Variants in SMIM19 observed in about 807,000 individuals in gnomAD.
SMIM19 encodes UPF0697 protein C8orf40.
In SMIM19, 6 loss-of-function variants were observed where a neutral mutation model predicts 13.2. The ratio of observed to expected loss-of-function variants is 0.45; its 90% CI spans 0.25 to 0.90. The LOEUF (loss-of-function observed/expected upper bound fraction) is 0.90. Ranked by LOEUF, SMIM19 falls within the 40% of genes least tolerant of loss-of-function variation. SMIM19 has a pLI of 0.19. For synonymous variants in SMIM19, 46 were observed against 43.1 expected, an observed-to-expected ratio of 1.07 and a Z score of -0.27; for missense variants, 138 against 131.0, an observed-to-expected ratio of 1.05 and a Z score of -0.26.
At chr8:42,545,922 T>C (rs1319814183) in intron 1 of SMIM19, among the ~76,000 whole-genome samples, 2 of 152,206 alleles carry the variant, frequency 1.3e-5, no homozygotes, top group African/African-American at 4.8e-5. Context: ...TTTAGTAATA[T>C]TATTTTTTAT....
At chr8:42,542,982 TAAA>T (rs57392162) in intron 1 of SMIM19, among the ~76,000 whole-genome samples, 1 of 139,782 alleles carries the variant, frequency 7.2e-6, no homozygotes. Flanking sequence ...CCTGTTTTTG[TAAA>T]AAAAAAAAAA....
At chr8:42,551,811 AT>A (rs1813684370) in intron 3 of SMIM19, among the ~76,000 whole-genome samples, 1 of 151,684 alleles carries the variant, frequency 6.6e-6, no homozygotes, top group Non-Finnish European at 1.5e-5. Flanking sequence ...GGGTGTGGTG[AT>A]GTCCACCAGT....
rs1813731214 is a variant in SMIM19, at chr8:42,553,349, T to C, written c.*741T>C. The stretch of plus-strand genomic sequence containing the variant: ...AGTTTGTTTTTATCCCCGTTTCATT[T>C]CTACCAGGTAGCTCTACTTTAGGCC... On this transcript the variant is annotated 3_prime_UTR_variant, in exon 4 of 4. Coordinates refer to ENST00000417410, the MANE Select transcript of SMIM19 (RefSeq NM_001135674.2). 1 of 152,270 alleles carries C rather than the reference T, an allele frequency of 6.6e-6. No individual in the cohort carries two copies. The highest frequency in any genetic ancestry group is 1.9e-4 in the East Asian group (1 of 5,190). The allele number at this position is 152,270 out of a possible 1,614,324, so 9.4% of individuals were successfully genotyped here.
intron 2 of SMIM19, 28 bp from the exon 3 acceptor site, chr8:42,548,628 A>G: frequency 6.2e-7 from 1 of 1,612,460 alleles, no homozygotes; most frequent in Non-Finnish European, 8.5e-7. Context: ...TAATACAAAC[A>G]TCTCTTCTGC....
At chr8:42,544,247 T>C (rs1378099405) in intron 1 of SMIM19, among the ~76,000 whole-genome samples, 3 of 151,864 alleles carry the variant, frequency 2.0e-5, no homozygotes, top group Admixed American at 1.3e-4. Context: ...CCGTCTCTAC[T>C]AAAAATACAA....
At position 42,554,691 on chromosome 8, in the gene SMIM19, T is replaced by G. The variant is rs1339485101; in HGVS notation, c.*2083T>G. ...GCTGAATTGGGGAGAGCGCAAGCCC[T>G]GCAGCCACACTTCAAAGCGGCGCTG... On this transcript the variant is annotated 3_prime_UTR_variant, in exon 4 of 4. Coordinates refer to ENST00000417410, the MANE Select transcript of SMIM19 (RefSeq NM_001135674.2). 6.6e-6 allele frequency: 1 copy of G among 152,226 alleles called. No individual in the cohort carries two copies. The highest frequency in any genetic ancestry group is 1.5e-5 in the Non-Finnish European group (1 of 68,042). The allele number at this position is 152,226 out of a possible 1,614,324, so 9.4% of individuals were successfully genotyped here. A position where few individuals can be genotyped will look rare whatever the true frequency, so the allele number is the denominator to read the frequency against.
rs1218954195 is a variant in SMIM19 at position 42,554,657 on chromosome 8, G to C, written c.*2049G>C. The C allele has an allele frequency of 6.6e-6, 1 of 152,178 alleles. No homozygotes were observed. 9.4% of individuals were successfully genotyped at this position (152,178 alleles called of 1,614,324 possible). The stretch of plus-strand genomic sequence containing the variant: ...AAGCCGGCTTTGAAGTCTCTTCCCT[G>C]CTTCAACAGCTGAATTGGGGAGAGC... On this transcript the variant is annotated 3_prime_UTR_variant, in exon 4 of 4. Transcript: ENST00000417410.
At position 42,552,706 on chromosome 8, in the gene SMIM19, T is replaced by C; in HGVS notation, c.*98T>C. 1 of 1,370,554 alleles carries C rather than the reference T, an allele frequency of 7.3e-7. No homozygotes were observed. Among genetic ancestry groups the C allele is most frequent in the Non-Finnish European group, 1.0e-6 (1 of 979,128 alleles). 84.9% of individuals were successfully genotyped at this position (1,370,554 alleles called of 1,614,324 possible). A position where few individuals can be genotyped will look rare whatever the true frequency, so the allele number is the denominator to read the frequency against. ...TAAAAACATTTCTGTCTGCATAAAA[T>C]TATTTTACTTGTAACTTTTCCCCAA... is the stretch of plus-strand genomic sequence containing the variant. On this transcript the variant is annotated 3_prime_UTR_variant, in exon 4 of 4. Coordinates refer to ENST00000417410, the MANE Select transcript of SMIM19 (RefSeq NM_001135674.2).
Position 42,553,363 on chromosome 8 carries a change from CTACTT to C in SMIM19, c.*758_*762del, listed in dbSNP as rs1299101179. ...CCCGTTTCATTTCTACCAGGTAGCT[CTACTT>C]TAGGCCATACTGGGGACCTGCTGTT... On this transcript the variant is annotated 3_prime_UTR_variant, in exon 4 of 4. Transcript: ENST00000417410. The C allele has an allele frequency of 6.6e-6, 1 of 152,324 alleles. No homozygotes were observed. Among genetic ancestry groups the C allele is most frequent in the Admixed American group, 6.5e-5 (1 of 15,298 alleles). The allele number at this position is 152,324 out of a possible 1,614,324, so 9.4% of individuals were successfully genotyped here.
At position 42,553,322 on chromosome 8, in the gene SMIM19, C is replaced by A. The variant is rs1395346116; in HGVS notation, c.*714C>A. On this transcript the variant is annotated 3_prime_UTR_variant, in exon 4 of 4. Coordinates refer to ENST00000417410, the MANE Select transcript of SMIM19 (RefSeq NM_001135674.2). ...TTTTTCCTCATTATGCTCCCAGGAGCGAGTTTGTTTTTATCCCCGTTTCAT... is the reference window on the plus strand; with the variant it reads ...TTTTTCCTCATTATGCTCCCAGGAGAGAGTTTGTTTTTATCCCCGTTTCAT... The A allele has an allele frequency of 6.6e-6, 1 of 152,160 alleles. No homozygotes were observed. Among genetic ancestry groups the A allele is most frequent in the Non-Finnish European group, 1.5e-5 (1 of 68,056 alleles). The allele number at this position is 152,160 out of a possible 1,614,324, so 9.4% of individuals were successfully genotyped here.
chr8:42,550,615 A>G (rs1346804576), intron 3 of SMIM19, among the ~76,000 whole-genome samples: 1 of 152,198 alleles, frequency 6.6e-6, no homozygotes, highest in East Asian at 1.9e-4. Context: ...TTAGGCAGGA[A>G]AAAAGCTCTG....
rs1217495893 is a variant in SMIM19 at position 42,553,776 on chromosome 8, G to GT, written c.*1171dup. ...AGGTGGGAGGATCACGAGGTCAGGA[G>GT]TTTGAGACCAGCCTGGCCAACGTGG... On this transcript the variant is annotated 3_prime_UTR_variant, in exon 4 of 4. Coordinates refer to ENST00000417410, the MANE Select transcript of SMIM19 (RefSeq NM_001135674.2). 6.6e-6 allele frequency: 1 copy of GT among 152,192 alleles called. No homozygotes were observed. Among genetic ancestry groups the GT allele is most frequent in the Non-Finnish European group, 1.5e-5 (1 of 68,050 alleles). 9.4% of individuals were successfully genotyped at this position (152,192 alleles called of 1,614,324 possible).
At position 42,541,787 on chromosome 8, in the gene SMIM19, C is replaced by T. The variant is rs1305320094; in HGVS notation, c.-591C>T. 3 of 149,482 alleles carry T rather than the reference C, an allele frequency of 2.0e-5. No homozygotes were observed. The highest frequency in any genetic ancestry group is 4.5e-5 in the Non-Finnish European group (3 of 67,120). 9.3% of individuals were successfully genotyped at this position (149,482 alleles called of 1,614,324 possible). A position where few individuals can be genotyped will look rare whatever the true frequency, so the allele number is the denominator to read the frequency against. ...CCCCGCCCCGCGCCGCCCGCCCCGC[C>T]CCGGACGCGGGGGTAAGGGGGGTGG... On this transcript the variant is annotated 5_prime_UTR_variant, in exon 1 of 4. Transcript: ENST00000417410.
rs771633498 is a variant in SMIM19, at chr8:42,546,599, G to T, written c.127G>T (p.Ala43Ser). Residue 43 changes from alanine to serine, a missense_variant, in exon 2 of 4, where the codon GCC becomes TCC. Ala to Ser is a moderately conservative substitution (Grantham distance 99). Coordinates refer to ENST00000417410, the MANE Select transcript of SMIM19 (RefSeq NM_001135674.2). The stretch of plus-strand genomic sequence containing the variant: ...TGTTAGCTTCGGTCTCTTCATGTAT[G>T]CCAAAAGGTAAATTTTTGTTTCTCA... ...ILVSFGLFMY[A>S]KRNKRRIMRI... 2.5e-6 allele frequency: 4 copies of T among 1,606,764 alleles called. No individual in the cohort carries two copies. In the South Asian group the frequency reaches 4.5e-5, roughly 18 times the overall value.
intron 3 of SMIM19, among the ~76,000 whole-genome samples, chr8:42,550,656 G>T (rs986264481): frequency 5.9e-5 from 9 of 152,136 alleles, no homozygotes; most frequent in Non-Finnish European, 8.8e-5. Flanking sequence ...ATTATGTTGG[G>T]CAGATAATCC....
At chr8:42,547,458 A>G (rs1813528429) in intron 2 of SMIM19, among the ~76,000 whole-genome samples, 2 of 152,116 alleles carry the variant, frequency 1.3e-5, no homozygotes, top group South Asian at 2.1e-4. Flanking sequence ...TGCAATTTCT[A>G]ATATAGCCCA....
In SMIM19 at chr8:42,541,810, T is replaced by G. The variant is rs1052555851; in HGVS notation, c.-568T>G. 6.8e-6 allele frequency: 1 copy of G among 147,948 alleles called. No individual in the cohort carries two copies. The highest frequency in any genetic ancestry group is 1.5e-5 in the Non-Finnish European group (1 of 66,754). 9.2% of individuals were successfully genotyped at this position (147,948 alleles called of 1,614,324 possible). A position where few individuals can be genotyped will look rare whatever the true frequency, so the allele number is the denominator to read the frequency against. On this transcript the variant is annotated 5_prime_UTR_variant, in exon 1 of 4. Transcript: ENST00000417410. ...GCCCCGGACGCGGGGGTAAGGGGGG[T>G]GGCCGCCCGCCTGCCCTCGGTCCCG...
rs1413296989 is a variant in SMIM19 at position 42,554,883 on chromosome 8, G to C, written c.*2275G>C. 1 of 152,220 alleles carries C rather than the reference G, an allele frequency of 6.6e-6. No homozygotes were observed. Among genetic ancestry groups the C allele is most frequent in the African/African-American group, 2.4e-5 (1 of 41,452 alleles). 9.4% of individuals were successfully genotyped at this position (152,220 alleles called of 1,614,324 possible). A position where few individuals can be genotyped will look rare whatever the true frequency, so the allele number is the denominator to read the frequency against. On this transcript the variant is annotated 3_prime_UTR_variant, in exon 4 of 4. Transcript: ENST00000417410. The stretch of plus-strand genomic sequence containing the variant: ...GATATTCAGCAGTAAGCACTGGTCA[G>C]CCTGCCCTGGTGCACAGCTTGAGTG...
chr8:42,550,305 G>T (rs888202289), intron 3 of SMIM19, among the ~76,000 whole-genome samples: 2 of 152,104 alleles, frequency 1.3e-5, no homozygotes, highest in African/African-American at 4.8e-5. Flanking sequence ...TTTGCAAGGT[G>T]TATCAGTTTT....
Sources: allele counts gnomAD v4.1 joint callset (sites outside exome capture counted in the v4.1 genomes callset), GRCh38; gene constraint gnomAD v4.1.1; transcripts MANE v1.5; gene names NCBI Gene and HGNC (gene_info 2026-07-23, HGNC 2026-07-21).